The following FAM168A variants were observed in gnomAD, a reference collection of about 807,000 sequenced individuals.
FAM168A encodes the protein family with sequence similarity 168 member A, also known as protein FAM168A.
A neutral mutation model predicts 28.5 loss-of-function variants in FAM168A; 3 were observed. That is an observed-to-expected ratio of 0.11 (90% CI 0.05 to 0.27). FAM168A has a LOEUF of 0.27. Ranked by LOEUF, FAM168A falls within the 10% of genes least tolerant of loss-of-function variation. The pLI, the probability that FAM168A is intolerant of heterozygous loss-of-function variation, is 1.00. For synonymous variants in FAM168A, 122 were observed against 124.2 expected, an observed-to-expected ratio of 0.98 and a Z score of 0.12; for missense variants, 222 against 311.5, an observed-to-expected ratio of 0.71 and a Z score of 2.16.
chr11:73,586,055 A>C (rs1944310313), intron 1 of FAM168A, among the ~76,000 whole-genome samples: 1 of 152,120 alleles, frequency 6.6e-6, no homozygotes, highest in Non-Finnish European at 1.5e-5. Flanking sequence ...GCACTGGCTC[A>C]ATCACTCCAC....
chr11:73,551,151 G>A (rs1332290755), intron 1 of FAM168A, among the ~76,000 whole-genome samples: 2 of 151,598 alleles, frequency 1.3e-5, no homozygotes, highest in African/African-American at 4.8e-5. Flanking sequence ...AATGAGGCAA[G>A]CAGAGGCCAA....
Position 73,400,930 on chromosome 11 carries a change from A to AAAG in FAM168A, c.*5830_*5832dup, listed in dbSNP as rs1025296815. 3 of 152,112 alleles carry AAAG rather than the reference A, an allele frequency of 2.0e-5. No individual in the cohort carries two copies. Among genetic ancestry groups the AAAG allele is most frequent in the African/African-American group, 7.2e-5 (3 of 41,406 alleles). 9.4% of individuals were successfully genotyped at this position (152,112 alleles called of 1,614,324 possible). On this transcript the variant is annotated 3_prime_UTR_variant, in exon 8 of 8. Transcript: ENST00000356467. ...ATCTTCAAAACAAAACAAAAACCCAAAAGAATCCAAAACAACAAAACAAAA... is the reference window on the plus strand; with the variant it reads ...ATCTTCAAAACAAAACAAAAACCCAAAAGAAGAATCCAAAACAACAAAACAAAA...
chr11:73,538,128 T>C (rs1397971625), intron 1 of FAM168A, among the ~76,000 whole-genome samples: 1 of 152,140 alleles, frequency 6.6e-6, no homozygotes, highest in Non-Finnish European at 1.5e-5. Context: ...TGAAGCCACA[T>C]GTTTGGGTTG....
intron 2 of FAM168A, among the ~76,000 whole-genome samples, chr11:73,445,419 C>CTCTTTTTTTTTT (rs776745757): frequency 2.2e-4 from 11 of 50,462 alleles, no homozygotes; most frequent in African/African-American, 7.1e-4. Context: ...AAAAATGTCT[C>CTCTTTTTTTTTT]TTTTTTTTTT....
chr11:73,501,658 C>T (rs181104816), intron 1 of FAM168A, among the ~76,000 whole-genome samples: 7 of 152,288 alleles, frequency 4.6e-5, no homozygotes, highest in African/African-American at 7.2e-5. Context: ...AAAGAGACAA[C>T]GTACCAGAAT....
intron 1 of FAM168A, among the ~76,000 whole-genome samples, chr11:73,571,243 C>CCTCCCCCT (rs1944084444): frequency 8.9e-6 from 1 of 112,630 alleles, no homozygotes; most frequent in Non-Finnish European, 1.8e-5. Flanking sequence ...CTCCCCCCCC[C>CCTCCCCCT]CTCCCCACAG....
intron 1 of FAM168A, among the ~76,000 whole-genome samples, chr11:73,540,640 T>C (rs552359563): frequency 1.7e-4 from 26 of 152,364 alleles, no homozygotes; most frequent in Non-Finnish European, 3.4e-4. Flanking sequence ...GGCTTACTAC[T>C]TAAAATCATT....
intron 1 of FAM168A, among the ~76,000 whole-genome samples, chr11:73,470,795 C>G (rs917186847): frequency 5.9e-5 from 9 of 152,198 alleles, no homozygotes; most frequent in Middle Eastern, 3.2e-3. Flanking sequence ...AGGACTAAGA[C>G]AAGTGCTAAG....
At chr11:73,447,849 C>G (rs2134542157) in intron 2 of FAM168A, among the ~76,000 whole-genome samples, 1 of 152,248 alleles carries the variant, frequency 6.6e-6, no homozygotes, top group South Asian at 2.1e-4. Context: ...GCAGAAAAAG[C>G]TGCATGGACT....
intron 1 of FAM168A, 149 bp downstream of exon 1, chr11:73,597,774 T>C (rs1211568724): frequency 2.2e-5 from 3 of 136,050 alleles, no homozygotes; most frequent in African/African-American, 8.2e-5. Flanking sequence ...CCTGGACAAG[T>C]CTCCCCCGCC....
At chr11:73,546,339 A>G (rs1367460999) in intron 1 of FAM168A, among the ~76,000 whole-genome samples, 1 of 152,220 alleles carries the variant, frequency 6.6e-6, no homozygotes, top group Non-Finnish European at 1.5e-5. Flanking sequence ...CAGCAAATCA[A>G]TCAAGAGCCA....
intron 1 of FAM168A, among the ~76,000 whole-genome samples, chr11:73,582,835 C>T (rs1194926899): frequency 6.6e-6 from 1 of 152,164 alleles, no homozygotes; most frequent in Admixed American, 6.5e-5. Context: ...TCCAGGGATC[C>T]GTCATAAATC....
chr11:73,504,437 T>G (rs1018444488), intron 1 of FAM168A, among the ~76,000 whole-genome samples: 1 of 151,932 alleles, frequency 6.6e-6, no homozygotes, highest in Non-Finnish European at 1.5e-5. Context: ...GAAATGCAAA[T>G]GAAAACCACA....
At chr11:73,416,690 G>C (rs746716828) in intron 4 of FAM168A, among the ~76,000 whole-genome samples, 3 of 152,118 alleles carry the variant, frequency 2.0e-5, no homozygotes, top group Non-Finnish European at 4.4e-5. Flanking sequence ...GCTTGAAACA[G>C]AGGTAGGCCA....
At chr11:73,431,302 G>A (rs998455145) in intron 2 of FAM168A, among the ~76,000 whole-genome samples, 13 of 152,052 alleles carry the variant, frequency 8.5e-5, no homozygotes, top group Admixed American at 7.9e-4. Context: ...AGATCATGCC[G>A]CTGCACTCTA....
chr11:73,480,699 AAAACAAACAAAC>A (rs147757702), intron 1 of FAM168A, among the ~76,000 whole-genome samples: 3 of 151,638 alleles, frequency 2.0e-5, no homozygotes, highest in Non-Finnish European at 2.9e-5. Flanking sequence ...ACCATTTTAC[AAAACAAACAAAC>A]AAACAAACAA....
At chr11:73,557,736 T>C (rs982499195) in intron 1 of FAM168A, among the ~76,000 whole-genome samples, 2 of 152,192 alleles carry the variant, frequency 1.3e-5, no homozygotes, top group Non-Finnish European at 2.9e-5. Context: ...ACAACAAAGT[T>C]GGAAGACTCA....
chr11:73,470,698 C>T (rs1590800825), intron 1 of FAM168A, among the ~76,000 whole-genome samples: 1 of 152,250 alleles, frequency 6.6e-6, no homozygotes, highest in East Asian at 1.9e-4. Flanking sequence ...TGATATTGGA[C>T]TTCCCAGCCT....
intron 2 of FAM168A, among the ~76,000 whole-genome samples, chr11:73,460,262 A>C (rs560759354): frequency 1.1e-4 from 17 of 152,264 alleles, no homozygotes; most frequent in African/African-American, 4.1e-4. Flanking sequence ...TCCTTGCCAT[A>C]TCAGAGGGCT....
Sources: gnomAD v4.1 joint callset for allele counts (sites outside exome capture counted in the v4.1 genomes callset) on GRCh38, gnomAD v4.1.1 for gene constraint, MANE v1.5 for transcripts, NCBI Gene and HGNC (gene_info 2026-07-23, HGNC 2026-07-21) for gene names.